Variants in PXDC1 observed in about 807,000 individuals in gnomAD.
PXDC1 encodes the protein PX domain containing 1.
PXDC1 carries 13 observed loss-of-function variants against 24.4 expected under a neutral mutation model. The observed-to-expected ratio is 0.53, with a 90% CI of 0.35 to 0.85. PXDC1 has a LOEUF of 0.85. PXDC1 is among the 40% of genes least tolerant of loss of function. The pLI is 0.01. For missense variants in PXDC1, 344 were observed against 309.3 expected, an observed-to-expected ratio of 1.11 and a Z score of -0.84; for synonymous variants, 162 against 124.9, an observed-to-expected ratio of 1.30 and a Z score of -1.98.
At chr6:3,734,151 C>T (rs1760264887) in intron 3 of PXDC1, among the ~76,000 whole-genome samples, 1 of 152,198 alleles carries the variant, frequency 6.6e-6, no homozygotes, top group Non-Finnish European at 1.5e-5. Flanking sequence ...CTACGTTTCT[C>T]CCTGTTAAAT....
At chr6:3,745,182 A>G (rs1760538059) in intron 1 of PXDC1, among the ~76,000 whole-genome samples, 1 of 152,176 alleles carries the variant, frequency 6.6e-6, no homozygotes, top group Non-Finnish European at 1.5e-5. Flanking sequence ...GGGCAGGGGT[A>G]TTCTCCCAGG....
chr6:3,726,362 G>A (rs1760066717), intron 4 of PXDC1, among the ~76,000 whole-genome samples: 1 of 152,270 alleles, frequency 6.6e-6, no homozygotes, highest in African/African-American at 2.4e-5. Context: ...AGTGGGGTCA[G>A]GGCAAGGGAC....
intron 1 of PXDC1, among the ~76,000 whole-genome samples, chr6:3,742,601 C>T (rs1461335340): frequency 6.6e-6 from 1 of 152,144 alleles, no homozygotes; most frequent in African/African-American, 2.4e-5. Context: ...AGCAGGATGG[C>T]GTTCACTGCA....
chr6:3,724,842 C>T lies in PXDC1; in HGVS notation c.579-1106G>A, dbSNP rs1007440016. Among the ~76,000 whole-genome samples, 8 of 152,234 alleles carry T rather than the reference C, an allele frequency of 5.3e-5. No homozygotes were observed. Among genetic ancestry groups the T allele is most frequent in the Admixed American group, 2.6e-4 (4 of 15,288 alleles). ...CAAACCTAGTACATCGTGCGAATCCCGCTGACCTCAAGGGACAGGGCTGTG... is the reference window on the plus strand; with the variant it reads ...CAAACCTAGTACATCGTGCGAATCCTGCTGACCTCAAGGGACAGGGCTGTG... On this transcript the variant is annotated intron_variant, in intron 4 of 4. Coordinates refer to ENST00000380283, the MANE Select transcript of PXDC1 (RefSeq NM_183373.4). This position sits in a 1 kb window ranked among gnomAD's most constrained non-coding sequence, Gnocchi z 4.5.
In PXDC1 at chr6:3,723,617, G is replaced by A. The variant is rs888147749; in HGVS notation, c.*2C>T. 5 of 1,607,690 alleles carry A rather than the reference G, an allele frequency of 3.1e-6. No individual in the cohort carries two copies. Among genetic ancestry groups the A allele is most frequent in the Non-Finnish European group, 4.3e-6 (5 of 1,174,250 alleles). On this transcript the variant is annotated 3_prime_UTR_variant, in exon 5 of 5. Coordinates refer to ENST00000380283, the MANE Select transcript of PXDC1 (RefSeq NM_183373.4). ...GAGGCGGGGGAGGCCTGATAGAGAG[G>A]TTCAGTCCCAAATGTCTGTCTCGAA...
At chr6:3,751,099 CCCCCTAA>C in intron 1 of PXDC1, 170 bp downstream of exon 1, 1 of 524,588 alleles carries the variant, frequency 1.9e-6, no homozygotes, top group Non-Finnish European at 3.2e-6. Flanking sequence ...GGCTCCCCGT[CCCCCTAA>C]CCCCGCCGCC....
intron 4 of PXDC1, 143 bp from the exon 5 acceptor site, chr6:3,723,879 C>A: frequency 1.5e-6 from 1 of 661,740 alleles, no homozygotes. Context: ...GGTGAGCTGG[C>A]TCCTGCTCTG....
In PXDC1 at chr6:3,723,268, A is replaced by G. The variant is rs780957573; in HGVS notation, c.*351T>C. On this transcript the variant is annotated 3_prime_UTR_variant, in exon 5 of 5. Transcript: ENST00000380283. ...GCACTAGGCCACTTCACCAAGAGGG[A>G]TGCACCTCCCAGGAAGCAGTAGCAG... 5 of 240,026 alleles carry G rather than the reference A, an allele frequency of 2.1e-5. No homozygotes were observed. Among genetic ancestry groups the G allele is most frequent in the Non-Finnish European group, 4.0e-5 (5 of 123,910 alleles). The allele number at this position is 240,026 out of a possible 1,614,324, so 14.9% of individuals were successfully genotyped here.
Position 3,723,610 on chromosome 6 carries a change from T to C in PXDC1, c.*9A>G, listed in dbSNP as rs774012304. On this transcript the variant is annotated 3_prime_UTR_variant, in exon 5 of 5. Coordinates refer to ENST00000380283, the MANE Select transcript of PXDC1 (RefSeq NM_183373.4). ...AACAGCTGAGGCGGGGGAGGCCTGA[T>C]AGAGAGGTTCAGTCCCAAATGTCTG... 9.4e-6 allele frequency: 15 copies of C among 1,599,642 alleles called. No homozygotes were observed. Among genetic ancestry groups the C allele is most frequent in the Non-Finnish European group, 1.2e-5 (14 of 1,167,164 alleles).
At chr6:3,746,793 G>A (rs1760581422) in intron 1 of PXDC1, among the ~76,000 whole-genome samples, 1 of 152,152 alleles carries the variant, frequency 6.6e-6, no homozygotes, top group Admixed American at 6.5e-5. Flanking sequence ...GGGTAACACA[G>A]GGCTTCTCCC....
intron 4 of PXDC1, 104 bp from the exon 5 acceptor site, chr6:3,723,840 T>C (rs1759996671): frequency 3.5e-6 from 3 of 863,294 alleles, no homozygotes; most frequent in African/African-American, 1.7e-5. Context: ...CTAGTAAGTG[T>C]GCAAAAAAAC....
intron 3 of PXDC1, among the ~76,000 whole-genome samples, chr6:3,736,878 C>T (rs560514061): frequency 2.0e-5 from 3 of 152,200 alleles, no homozygotes; most frequent in Non-Finnish European, 4.4e-5. Context: ...CCCCTGAGGA[C>T]GCAGCAGGAG....
Position 3,725,840 on chromosome 6 carries a change from T to C in PXDC1, c.578+1711A>G, listed in dbSNP as rs1282303151. Among the ~76,000 whole-genome samples the C allele has an allele frequency of 1.3e-5, 2 of 152,196 alleles. No individual in the cohort carries two copies. The highest frequency in any genetic ancestry group is 2.9e-5 in the Non-Finnish European group (2 of 68,032). ...AGCCCAAGTCGGAACTCCCTCCAGA[T>C]GCTCCCGAGCCCCATGGCGGCAGGC... On this transcript the variant is annotated intron_variant, in intron 4 of 4. Coordinates refer to ENST00000380283, the MANE Select transcript of PXDC1 (RefSeq NM_183373.4). The surrounding 1 kb of genome is among the most constrained non-coding windows in gnomAD (Gnocchi z 4.8).
At chr6:3,735,368 A>T (rs1449685454) in intron 3 of PXDC1, among the ~76,000 whole-genome samples, 1 of 152,260 alleles carries the variant, frequency 6.6e-6, no homozygotes, top group Admixed American at 6.5e-5. Flanking sequence ...CAAAGTGTCT[A>T]GCTACCAATG....
chr6:3,743,562 A>C (rs932462282), intron 1 of PXDC1, among the ~76,000 whole-genome samples: 1 of 152,228 alleles, frequency 6.6e-6, no homozygotes, highest in Non-Finnish European at 1.5e-5. Context: ...GAAAGCCTTT[A>C]AAACTTCCTA....
chr6:3,736,975 G>T, intron 3 of PXDC1, 104 bp downstream of exon 3: 1 of 739,206 alleles, frequency 1.4e-6, no homozygotes, highest in South Asian at 1.6e-5. Flanking sequence ...TGTCTTTCTG[G>T]AAAAGTGTGG....
At chr6:3,729,559 G>A (rs1365419516) in intron 3 of PXDC1, among the ~76,000 whole-genome samples, 1 of 152,236 alleles carries the variant, frequency 6.6e-6, no homozygotes, top group Non-Finnish European at 1.5e-5. Flanking sequence ...TCTGGGGTCA[G>A]CCACACTTCC....
chr6:3,737,677 T>G lies in PXDC1; in HGVS notation c.348+380A>C. ...TGCCCCGCTGTGCTGACGCCAACGT[T>G]CTTCTTGGTTTCCACGTGTCTGTTC... On this transcript the variant is annotated intron_variant, in intron 2 of 4. Coordinates refer to ENST00000380283, the MANE Select transcript of PXDC1 (RefSeq NM_183373.4). This position sits in a 1 kb window ranked among gnomAD's most constrained non-coding sequence, Gnocchi z 5.5. 1.0e-6 allele frequency: 1 copy of G among 985,414 alleles called. No individual in the cohort carries two copies. The highest frequency in any genetic ancestry group is 1.7e-5 in the African/African-American group (1 of 57,336). The allele number at this position is 985,414 out of a possible 1,614,324, so 61.0% of individuals were successfully genotyped here.
rs1760593771 is a variant in PXDC1 at position 3,747,353 on chromosome 6, GCCTC to G, written c.256+3919_256+3922del. Among the ~76,000 whole-genome samples, 3 of 151,916 alleles carry G rather than the reference GCCTC, an allele frequency of 2.0e-5. No homozygotes were observed. The South Asian group carries it at 6.2e-4, about 32-fold the overall frequency. ...ACCAGCCCCCAGCACCTGCCTCCAC[GCCTC>G]CCCTGCTCTTTCCCAGCACAGCAGC... On this transcript the variant is annotated intron_variant, in intron 1 of 4. Transcript: ENST00000380283.
Sources: allele counts gnomAD v4.1 joint callset (sites outside exome capture counted in the v4.1 genomes callset), GRCh38; gene constraint gnomAD v4.1.1; non-coding constraint Gnocchi (gnomAD v3.1); transcripts MANE v1.5; gene names NCBI Gene and HGNC (gene_info 2026-07-23, HGNC 2026-07-21).